The following GLB1 variants were observed in gnomAD, a reference collection of about 807,000 sequenced individuals.
The protein encoded by GLB1 is galactosidase beta 1.
In GLB1, 56 loss-of-function variants were observed where a neutral mutation model predicts 74.0. That is an observed-to-expected ratio of 0.76 (90% CI 0.61 to 0.94). The LOEUF (loss-of-function observed/expected upper bound fraction) is 0.94. Among genes scored for constraint, GLB1 ranks in the 40% least tolerant of loss-of-function variants. The pLI is 0.00. For missense variants in GLB1, 787 were observed against 845.5 expected, an observed-to-expected ratio of 0.93 and a Z score of 0.86; for synonymous variants, 323 against 323.6, an observed-to-expected ratio of 1.00 and a Z score of 0.02.
At chr3:32,961,943 C>G in the GLB1 span, among the ~76,000 whole-genome samples, 1 of 152,238 alleles carries the variant, frequency 6.6e-6, no homozygotes, top group Non-Finnish European at 1.5e-5. Flanking sequence ...TGCCTGTAAT[C>G]CCGGTACTTT....
chr3:33,076,044 CAAAAAAAA>C (rs71733863), intron 1 of GLB1, among the ~76,000 whole-genome samples: 1 of 79,660 alleles, frequency 1.3e-5, no homozygotes, highest in African/African-American at 3.4e-5. Context: ...GACTCTGTCT[CAAAAAAAA>C]AAAAAAAAAG....
chr3:33,064,219 ACCTGAGG>A (rs1699569761), intron 5 of GLB1, among the ~76,000 whole-genome samples: 2 of 150,178 alleles, frequency 1.3e-5, no homozygotes, highest in African/African-American at 4.9e-5. Flanking sequence ...TGGGTGAATC[ACCTGAGG>A]TCAGGAGTTT....
chr3:32,961,420 T>G, the GLB1 span, among the ~76,000 whole-genome samples: 1 of 152,058 alleles, frequency 6.6e-6, no homozygotes, highest in African/African-American at 2.4e-5. Context: ...GGGTGCACAG[T>G]GAGGTGCAGG....
chr3:33,021,684 C>G (rs1328730043), intron 11 of GLB1, 29 bp from the exon 12 acceptor site: 1 of 1,606,092 alleles, frequency 6.2e-7, no homozygotes, highest in South Asian at 1.1e-5. Context: ...AGCATTCACA[C>G]ACTGCACCCC....
intron 1 of GLB1, 43 bp downstream of exon 1, chr3:33,096,968 T>C: frequency 6.2e-7 from 1 of 1,603,302 alleles, no homozygotes; most frequent in South Asian, 1.1e-5. Flanking sequence ...CGCCAGCCTG[T>C]CCCCTAGCAA....
chr3:33,002,716 T>C (rs535979443), intron 15 of GLB1, among the ~76,000 whole-genome samples: 1 of 152,358 alleles, frequency 6.6e-6, no homozygotes, highest in African/African-American at 2.4e-5. Context: ...GTCTCACTAC[T>C]GTTTTAAGTT....
At chr3:32,969,824 T>TA in the GLB1 span, among the ~76,000 whole-genome samples, 1 of 152,236 alleles carries the variant, frequency 6.6e-6, no homozygotes, top group Non-Finnish European at 1.5e-5. Flanking sequence ...TCACTGCTAT[T>TA]ACTCGAGCCG....
intron 15 of GLB1, among the ~76,000 whole-genome samples, chr3:33,004,543 C>T (rs1284678558): frequency 2.0e-5 from 3 of 152,136 alleles, no homozygotes; most frequent in Admixed American, 2.0e-4. Flanking sequence ...TTAGTCAGTC[C>T]CACTTTCACT....
intron 10 of GLB1, among the ~76,000 whole-genome samples, chr3:33,033,410 A>G (rs1398177303): frequency 1.3e-5 from 2 of 152,220 alleles, no homozygotes; most frequent in Admixed American, 1.3e-4. Flanking sequence ...CCAGGCTAAA[A>G]AGAAAGATTT....
In GLB1 at chr3:33,059,812, A is replaced by T. The variant is rs112106358; in HGVS notation, c.553-1543T>A. ...TGCTATATTTCATTTATAAAAAATT[A>T]AAAAATACCCAACCATAACATTTTA... is the stretch of plus-strand genomic sequence containing the variant. On this transcript the variant is annotated intron_variant, in intron 5 of 15. Transcript: ENST00000307363. Among the ~76,000 whole-genome samples the T allele has an allele frequency of 3.0e-4, 45 of 152,342 alleles. No individual in the cohort carries two copies. The South Asian group carries it at 5.2e-3, about 18-fold the overall frequency.
intron 11 of GLB1, 129 bp from the exon 12 acceptor site, chr3:33,021,784 A>T (rs953344776): frequency 1.9e-6 from 2 of 1,035,522 alleles, no homozygotes; most frequent in Admixed American, 2.0e-5. Flanking sequence ...AAATCATTCA[A>T]ATTCCACTCA....
chr3:33,021,176 C>A, intron 12 of GLB1: 1 of 219,240 alleles, frequency 4.6e-6, no homozygotes, highest in East Asian at 1.2e-4. Context: ...TACCAAAAAA[C>A]ACAGTCCTTA....
At chr3:33,045,228 T>G (rs1698690967) in intron 10 of GLB1, 1 of 551,446 alleles carries the variant, frequency 1.8e-6, no homozygotes, top group African/African-American at 2.1e-5. Flanking sequence ...GTAGACTGAT[T>G]TGCTCATAGA....
At chr3:33,059,244 TACACACACACACACACAC>T (rs55785242) in intron 5 of GLB1, among the ~76,000 whole-genome samples, 13,092 of 144,464 alleles carry the variant, frequency 0.091, 1,548 homozygotes, top group East Asian at 0.62. Context: ...ATATAAAACA[TACACACACACACACACAC>T]ACACACACAC....
At chr3:33,034,832 C>T in intron 10 of GLB1, 1 of 575,652 alleles carries the variant, frequency 1.7e-6, no homozygotes, top group South Asian at 1.4e-5. Context: ...GAGCCTCCCA[C>T]CTGCCAGCTC....
chr3:33,055,324 A>G (rs1324208881), intron 6 of GLB1, among the ~76,000 whole-genome samples: 2 of 152,324 alleles, frequency 1.3e-5, no homozygotes, highest in East Asian at 3.9e-4. Context: ...CTCCCAACAG[A>G]AAAATGCCGT....
the GLB1 span, among the ~76,000 whole-genome samples, chr3:32,961,109 T>A: frequency 6.6e-6 from 1 of 152,242 alleles, no homozygotes; most frequent in Non-Finnish European, 1.5e-5. Flanking sequence ...CTGGTGGGCT[T>A]TAGGTCAAAA....
intron 1 of GLB1, chr3:33,094,357 C>T: frequency 7.2e-7 from 1 of 1,386,318 alleles, no homozygotes; most frequent in African/African-American, 1.4e-5. Flanking sequence ...TCCTTGTACC[C>T]ATTCAAAACT....
At chr3:32,998,040 G>C (rs778875188) in intron 15 of GLB1, among the ~76,000 whole-genome samples, 4 of 152,334 alleles carry the variant, frequency 2.6e-5, no homozygotes, top group Non-Finnish European at 4.4e-5. Flanking sequence ...TCAGAGTTAG[G>C]GTGTGGACTC....
Sources: allele counts gnomAD v4.1 joint callset (sites outside exome capture counted in the v4.1 genomes callset), GRCh38; gene constraint gnomAD v4.1.1; transcripts MANE v1.5; gene names NCBI Gene and HGNC (gene_info 2026-07-23, HGNC 2026-07-21).